The following ZFHX4 variants were observed in gnomAD, a reference collection of about 807,000 sequenced individuals.
ZFHX4 encodes zinc finger homeobox protein 4.
A neutral mutation model predicts 267.6 loss-of-function variants in ZFHX4; 56 were observed. The observed-to-expected ratio is 0.21, with a 90% confidence interval of 0.17 to 0.26. ZFHX4 has a LOEUF of 0.26. Ranked by LOEUF, ZFHX4 falls within the 10% of genes least tolerant of loss-of-function variation. The probability of loss-of-function intolerance (pLI) is 1.00; values close to 1 mark genes in which losing one functional copy is unlikely to be tolerated. For synonymous variants in ZFHX4, 1,778 were observed against 1,665.6 expected (o/e 1.07, Z -1.64); for missense variants, 4,332 against 4,420.0 (o/e 0.98, Z 0.56).
chr8:76,850,492 G>A lies in ZFHX4; in HGVS notation c.3964+130G>A, dbSNP rs188500156. The A allele has an allele frequency of 6.3e-6, 5 of 787,770 alleles. No homozygotes were observed. The African/African-American group carries it at 7.0e-5, about 11-fold the overall frequency. The allele number at this position is 787,770 out of a possible 1,614,324, so 48.8% of individuals were successfully genotyped here. On this transcript the variant is annotated intron_variant, in intron 9 of 10. Transcript: ENST00000651372. ...GGGGAAAAATGTATGCCATTTCAAAGAGCCATATTTTCCAAGGCATATTTT... is the reference window on the plus strand; with the variant it reads ...GGGGAAAAATGTATGCCATTTCAAAAAGCCATATTTTCCAAGGCATATTTT...
intron 1 of ZFHX4, among the ~76,000 whole-genome samples, chr8:76,689,129 G>A (rs1463564686): frequency 6.6e-6 from 1 of 151,952 alleles, no homozygotes; most frequent in Non-Finnish European, 1.5e-5. Flanking sequence ...TTTATGATAT[G>A]CTTGAAAAAA....
At chr8:76,808,552 GT>G (rs1811300878) in intron 4 of ZFHX4, among the ~76,000 whole-genome samples, 1 of 152,160 alleles carries the variant, frequency 6.6e-6, no homozygotes, top group Non-Finnish European at 1.5e-5. Context: ...TGCTGTTTAA[GT>G]GTATCGATAA....
chr8:76,722,393 T>TTAATGAGG (rs1420628067), intron 3 of ZFHX4, among the ~76,000 whole-genome samples: 1 of 151,994 alleles, frequency 6.6e-6, no homozygotes. Context: ...CTAATAAGCT[T>TTAATGAGG]TAATGAGGTG....
chr8:76,748,163 C>G (rs192689843), intron 3 of ZFHX4, among the ~76,000 whole-genome samples: 163 of 152,184 alleles, frequency 1.1e-3, no homozygotes, highest in Non-Finnish European at 1.0e-3. Context: ...ATTCTACATC[C>G]CCCATTTTCA....
intron 3 of ZFHX4, among the ~76,000 whole-genome samples, chr8:76,758,448 T>C (rs1048797399): frequency 6.6e-6 from 1 of 152,110 alleles, no homozygotes; most frequent in Non-Finnish European, 1.5e-5. Flanking sequence ...TCAGCCATGA[T>C]TGGGTTTTTG....
intron 3 of ZFHX4, among the ~76,000 whole-genome samples, chr8:76,764,319 T>C (rs1402002058): frequency 6.6e-6 from 1 of 152,166 alleles, no homozygotes; most frequent in Non-Finnish European, 1.5e-5. Context: ...TTAAGTTACT[T>C]AGTAACTTTT....
rs531740649 is a variant in ZFHX4 at position 76,757,499 on chromosome 8, A to C, written c.3094-20709A>C. Among the ~76,000 whole-genome samples the C allele has an allele frequency of 6.6e-5, 10 of 152,284 alleles. No individual in the cohort carries two copies. The East Asian group carries it at 1.7e-3, about 27-fold the overall frequency. ...GATGGTCAACCACTGGAGACTTTTA[A>C]GATGAAGTTGGGAGTGCTATTGTTA... On this transcript the variant is annotated intron_variant, in intron 3 of 10. Transcript: ENST00000651372.
At chr8:76,760,874 A>G in intron 3 of ZFHX4, among the ~76,000 whole-genome samples, 1 of 147,164 alleles carries the variant, frequency 6.8e-6, no homozygotes, top group Middle Eastern at 3.3e-3. Context: ...GGCTGCAGTG[A>G]GCAGTGATCA....
chr8:76,798,856 A>T (rs1483537380), intron 4 of ZFHX4, among the ~76,000 whole-genome samples: 3 of 152,128 alleles, frequency 2.0e-5, no homozygotes, highest in Non-Finnish European at 4.4e-5. Flanking sequence ...ATCATAATGG[A>T]ACCATACATT....
intron 3 of ZFHX4, among the ~76,000 whole-genome samples, chr8:76,770,703 T>C (rs1810241447): frequency 6.6e-6 from 1 of 152,072 alleles, no homozygotes; most frequent in Admixed American, 6.6e-5. Context: ...AAAAATGTCA[T>C]ATTTCTAAAG....
intron 4 of ZFHX4, among the ~76,000 whole-genome samples, chr8:76,829,811 T>C (rs982917967): frequency 7.2e-5 from 11 of 152,114 alleles, no homozygotes; most frequent in Non-Finnish European, 1.3e-4. Flanking sequence ...AGAGCGAGAC[T>C]CCATTTAAGG....
At chr8:76,838,081 A>G (rs1021576642) in intron 5 of ZFHX4, among the ~76,000 whole-genome samples, 5 of 152,238 alleles carry the variant, frequency 3.3e-5, no homozygotes, top group African/African-American at 1.2e-4. Flanking sequence ...AGTGGAATTT[A>G]CACAGTGAAG....
intron 3 of ZFHX4, among the ~76,000 whole-genome samples, chr8:76,741,081 A>G (rs1442313245): frequency 6.6e-6 from 1 of 152,212 alleles, no homozygotes; most frequent in African/African-American, 2.4e-5. Flanking sequence ...ATTGTCTGAA[A>G]GATTAAAAAG....
intron 4 of ZFHX4, among the ~76,000 whole-genome samples, chr8:76,828,625 C>T (rs565309814): frequency 6.6e-6 from 1 of 152,210 alleles, no homozygotes; most frequent in Non-Finnish European, 1.5e-5. Context: ...CTAAAATATC[C>T]TTTTACAGTT....
chr8:76,710,119 C>G (rs1175637197), intron 3 of ZFHX4, among the ~76,000 whole-genome samples: 3 of 152,056 alleles, frequency 2.0e-5, no homozygotes, highest in African/African-American at 7.2e-5. Flanking sequence ...CCTAAGTATC[C>G]TTGTTCAGTA....
chr8:76,759,165 T>A lies in ZFHX4; in HGVS notation c.3094-19043T>A, dbSNP rs1251757690. 3.3e-5 allele frequency among the ~76,000 whole-genome samples: 5 copies of A among 152,332 alleles called. No homozygotes were observed. In the East Asian group the frequency reaches 7.7e-4, roughly 24 times the overall value. On this transcript the variant is annotated intron_variant, in intron 3 of 10. Transcript: ENST00000651372. ...TAAAAATCATTATCCTTTTTGTTCA[T>A]TTGATTTTATGCTTCCATAGATGTT... is the stretch of plus-strand genomic sequence containing the variant.
rs1253654532 is a variant in ZFHX4 at position 76,864,388 on chromosome 8, GTGCAGCACC to G, written c.10676_10684del (p.Cys3559_Thr3561del). ...TGCCTTCAACGGTTACCTCAAGTTTGTGCAGCACCTCAGGGGTTCAAACCTCACTACCCA... is the reference window on the plus strand; with the variant it reads ...TGCCTTCAACGGTTACCTCAAGTTTGTCAGGGGTTCAAACCTCACTACCCA... On this transcript the variant is annotated inframe_deletion, in exon 11 of 11. Transcript: ENST00000651372. 6.2e-7 allele frequency: 1 copy of G among 1,613,676 alleles called. No homozygotes were observed. Among genetic ancestry groups the G allele is most frequent in the Admixed American group, 1.7e-5 (1 of 59,976 alleles).
At chr8:76,781,809 G>A (rs1276963381) in intron 4 of ZFHX4, among the ~76,000 whole-genome samples, 1 of 151,976 alleles carries the variant, frequency 6.6e-6, no homozygotes, top group Non-Finnish European at 1.5e-5. Context: ...ACATTATTAG[G>A]AAAGCAATCA....
In ZFHX4 at chr8:76,863,372, G is replaced by C; in HGVS notation, c.9658G>C (p.Glu3220Gln). The C allele has an allele frequency of 6.2e-7, 1 of 1,613,870 alleles. No homozygotes were observed. The highest frequency in any genetic ancestry group is 8.5e-7 in the Non-Finnish European group (1 of 1,179,826). The part of the protein sequence containing the change: ...TKPEKHPKKE[E>Q]KISSALSVLG... ...ACCCGAAAAACACCCCAAAAAAGAG[G>C]AAAAAATCTCATCTGCTCTTTCAGT... is the stretch of plus-strand genomic sequence containing the variant. Residue 3220 changes from glutamate (E) to glutamine (Q), a missense_variant, in exon 11 of 11, where the codon GAA becomes CAA. Physicochemically the swap from Glu to Gln is conservative, Grantham distance 29. Coordinates refer to ENST00000651372, the MANE Select transcript of ZFHX4 (RefSeq NM_024721.5).
Sources: gnomAD v4.1 joint callset for allele counts (sites outside exome capture counted in the v4.1 genomes callset) on GRCh38, gnomAD v4.1.1 for gene constraint, MANE v1.5 for transcripts, NCBI Gene and HGNC (gene_info 2026-07-23, HGNC 2026-07-21) for gene names.